Variants in SLIT2 observed in about 807,000 individuals in gnomAD.
SLIT2 encodes the protein slit guidance ligand 2.
Under a neutral mutation model 185.7 loss-of-function variants are expected in SLIT2, and 41 were observed. The observed-to-expected ratio is 0.22, with a 90% CI of 0.17 to 0.29. SLIT2 has a LOEUF of 0.29. SLIT2 is among the 10% of genes least tolerant of loss of function. SLIT2 has a pLI of 1.00. For missense variants in SLIT2, 1,571 were observed against 1,909.0 expected (o/e 0.82, Z 3.30); for synonymous variants, 693 against 680.2 (o/e 1.02, Z -0.29).
At chr4:20,547,916 A>C (rs1369079587) in intron 22 of SLIT2, among the ~76,000 whole-genome samples, 4 of 152,062 alleles carry the variant, frequency 2.6e-5, no homozygotes, top group Admixed American at 2.6e-4. Context: ...CTACTGTGTG[A>C]CCATGACTCA....
chr4:20,324,594 T>G (rs1719397931), intron 4 of SLIT2, among the ~76,000 whole-genome samples: 1 of 152,080 alleles, frequency 6.6e-6, no homozygotes, highest in Admixed American at 6.6e-5. Flanking sequence ...TTGATGACAA[T>G]AAATAATTTT....
chr4:20,423,851 T>A (rs538947248), intron 4 of SLIT2, among the ~76,000 whole-genome samples: 3 of 152,282 alleles, frequency 2.0e-5, no homozygotes, highest in African/African-American at 7.2e-5. Flanking sequence ...TTCATTTAAA[T>A]GTTTGAGTTT....
chr4:20,480,530 CAA>C (rs1334121570), intron 5 of SLIT2, among the ~76,000 whole-genome samples, 184 bp from the exon 6 acceptor site: 3 of 152,072 alleles, frequency 2.0e-5, no homozygotes, highest in Non-Finnish European at 4.4e-5. Flanking sequence ...CAGTTCAGAA[CAA>C]AAAGATTTCA....
At chr4:20,554,730 T>A (rs1001913188) in intron 26 of SLIT2, among the ~76,000 whole-genome samples, 2 of 151,756 alleles carry the variant, frequency 1.3e-5, no homozygotes, top group Non-Finnish European at 2.9e-5. Flanking sequence ...CTATTATTCT[T>A]AGATTGTGGG....
At chr4:20,574,692 C>T (rs1352492105) in intron 29 of SLIT2, among the ~76,000 whole-genome samples, 2 of 147,860 alleles carry the variant, frequency 1.4e-5, no homozygotes, top group Non-Finnish European at 3.0e-5. Flanking sequence ...GAGGCTGAAG[C>T]AGGAGAATCG....
intron 18 of SLIT2, 149 bp downstream of exon 18, chr4:20,533,864 C>T (rs1386403372): frequency 4.5e-6 from 3 of 672,776 alleles, no homozygotes; most frequent in Non-Finnish European, 7.9e-6. Context: ...ATACACACCG[C>T]TACACACACA....
At chr4:20,607,639 G>A (rs538740473) in intron 33 of SLIT2, among the ~76,000 whole-genome samples, 5 of 152,264 alleles carry the variant, frequency 3.3e-5, no homozygotes, top group African/African-American at 1.2e-4. Context: ...GTTTAAAACT[G>A]TAAAGTGTGT....
At chr4:20,570,737 A>ATATATATATATATATG (rs1725526043) in intron 29 of SLIT2, among the ~76,000 whole-genome samples, 1 of 77,288 alleles carries the variant, frequency 1.3e-5, no homozygotes, top group Non-Finnish European at 2.3e-5. Flanking sequence ...ATATGTATAT[A>ATATATATATATATATG]TATATATATA....
At chr4:20,262,702 A>G (rs1424420005) in intron 3 of SLIT2, among the ~76,000 whole-genome samples, 2 of 151,860 alleles carry the variant, frequency 1.3e-5, no homozygotes, top group Non-Finnish European at 2.9e-5. Context: ...AAGTGTTCCA[A>G]AAGATATAAT....
chr4:20,254,119 C>T lies in SLIT2; in HGVS notation c.179+125C>T, dbSNP rs1248197833. 1 of 973,168 alleles carries T rather than the reference C, an allele frequency of 1.0e-6. No homozygotes were observed. Among genetic ancestry groups the T allele is most frequent in the Non-Finnish European group, 1.5e-6 (1 of 653,320 alleles). 60.3% of individuals were successfully genotyped at this position (973,168 alleles called of 1,614,324 possible). ...GCCCTCGCTAGCTCTCCCCCATGCA[C>T]ATCCTGGGGTTGAGCTCTCCGGGAG... On this transcript the variant is annotated intron_variant, in intron 1 of 36. Coordinates refer to ENST00000504154, the MANE Select transcript of SLIT2 (RefSeq NM_004787.4). The surrounding 1 kb of genome is among the most constrained non-coding windows in gnomAD (Gnocchi z 5.1).
intron 4 of SLIT2, among the ~76,000 whole-genome samples, chr4:20,338,358 A>G (rs1414222719): frequency 1.3e-5 from 2 of 152,186 alleles, no homozygotes; most frequent in Non-Finnish European, 2.9e-5. Flanking sequence ...AATTATTTTC[A>G]TAATATTAGA....
In SLIT2 at chr4:20,524,009, C is replaced by G; in HGVS notation, c.1275-5C>G. 6.2e-7 allele frequency: 1 copy of G among 1,614,052 alleles called. No homozygotes were observed. ...TATAAAACTGTTCTGTATGTGTTTC[C>G]AAAGGCATTTGGCCCAGAACCCCTT... On this transcript the variant is annotated splice_region_variant and splice_polypyrimidine_tract_variant and intron_variant, in intron 13 of 36. Transcript: ENST00000504154.
intron 33 of SLIT2, among the ~76,000 whole-genome samples, chr4:20,600,448 AG>A (rs1038727259): frequency 8.0e-6 from 1 of 124,922 alleles, no homozygotes; most frequent in African/African-American, 3.2e-5. Context: ...TTGGAGACAG[AG>A]TCTCACTCAG....
intron 4 of SLIT2, among the ~76,000 whole-genome samples, chr4:20,358,469 G>T (rs1722505149): frequency 6.6e-6 from 1 of 152,060 alleles, no homozygotes; most frequent in Non-Finnish European, 1.5e-5. Context: ...AATTTAAATT[G>T]ACGAGGTAGG....
chr4:20,263,857 G>T (rs1712750506), intron 3 of SLIT2, among the ~76,000 whole-genome samples: 1 of 151,812 alleles, frequency 6.6e-6, no homozygotes, highest in South Asian at 2.1e-4. Flanking sequence ...CTCAATAGCT[G>T]AGTTTAGGAA....
intron 29 of SLIT2, among the ~76,000 whole-genome samples, chr4:20,575,256 C>T (rs1725991094): frequency 1.3e-5 from 2 of 152,104 alleles, no homozygotes; most frequent in African/African-American, 2.4e-5. Flanking sequence ...CTTTTATTTC[C>T]AAGAATTTGC....
chr4:20,303,509 A>T (rs1717252025), intron 4 of SLIT2, among the ~76,000 whole-genome samples: 1 of 152,132 alleles, frequency 6.6e-6, no homozygotes, highest in Non-Finnish European at 1.5e-5. Context: ...ATTTCATAGA[A>T]ATGAAAGACA....
At chr4:20,284,962 T>C (rs569841553) in intron 4 of SLIT2, among the ~76,000 whole-genome samples, 16 of 152,370 alleles carry the variant, frequency 1.1e-4, no homozygotes, top group African/African-American at 3.8e-4. Context: ...TTTAGTGTGC[T>C]TCCACCATTC....
At chr4:20,594,016 ATG>A (rs1446148933) in intron 30 of SLIT2, among the ~76,000 whole-genome samples, 1 of 150,332 alleles carries the variant, frequency 6.7e-6, no homozygotes, top group Non-Finnish European at 1.5e-5. Flanking sequence ...ATACATATGT[ATG>A]TGTGTATATA....
Sources: gnomAD v4.1 joint callset for allele counts (sites outside exome capture counted in the v4.1 genomes callset) on GRCh38, gnomAD v4.1.1 for gene constraint, Gnocchi (gnomAD v3.1) non-coding constraint, MANE v1.5 for transcripts, NCBI Gene and HGNC (gene_info 2026-07-23, HGNC 2026-07-21) for gene names.